The following MAP2K4 variants were observed in gnomAD, a reference collection of about 807,000 sequenced individuals.
The protein encoded by MAP2K4 is dual specificity mitogen-activated protein kinase kinase 4.
MAP2K4 carries 4 observed loss-of-function variants against 48.5 expected under a neutral mutation model. The observed-to-expected ratio is 0.08, with a 90% CI of 0.04 to 0.19. The LOEUF is 0.19. Ranked by LOEUF, MAP2K4 falls within the 10% of genes least tolerant of loss-of-function variation. The pLI, the probability that MAP2K4 is intolerant of heterozygous loss-of-function variation, is 1.00. For missense variants in MAP2K4, 258 were observed against 493.3 expected (o/e 0.52, Z 4.52); for synonymous variants, 166 against 173.1 (o/e 0.96, Z 0.32).
At chr17:12,084,244 A>G (rs1182448740) in intron 3 of MAP2K4, among the ~76,000 whole-genome samples, 1 of 152,212 alleles carries the variant, frequency 6.6e-6, no homozygotes, top group Non-Finnish European at 1.5e-5. Context: ...AGATTTAGTG[A>G]GGTAACATTG....
chr17:12,073,006 G>A (rs918206081), intron 2 of MAP2K4, among the ~76,000 whole-genome samples: 14 of 152,132 alleles, frequency 9.2e-5, no homozygotes, highest in African/African-American at 3.4e-4. Flanking sequence ...GCAATCTGAG[G>A]TTTGTAGTAC....
chr17:12,060,611 G>C (rs1970417878), intron 2 of MAP2K4, among the ~76,000 whole-genome samples: 2 of 152,180 alleles, frequency 1.3e-5, no homozygotes. Context: ...TCATGATACT[G>C]TGAAATCTCT....
chr17:12,038,037 A>G (rs1969654402), intron 1 of MAP2K4, among the ~76,000 whole-genome samples: 1 of 152,158 alleles, frequency 6.6e-6, no homozygotes, highest in South Asian at 2.1e-4. Flanking sequence ...TGATAAGAAA[A>G]TAATTAGTGA....
intron 1 of MAP2K4, among the ~76,000 whole-genome samples, chr17:12,037,227 T>C (rs867399222): frequency 6.6e-6 from 1 of 152,136 alleles, no homozygotes; most frequent in African/African-American, 2.4e-5. Flanking sequence ...ATTTTATAAG[T>C]ATCCCTAATT....
At chr17:12,102,038 T>G (rs140066479) in intron 4 of MAP2K4, among the ~76,000 whole-genome samples, 148 of 152,274 alleles carry the variant, frequency 9.7e-4, no homozygotes, top group Non-Finnish European at 1.9e-3. Context: ...TTCAGTATGC[T>G]GTTGAGTAGA....
Position 12,142,752 on chromosome 17 carries a change from T to G in MAP2K4, c.*1492T>G, listed in dbSNP as rs1425743763. The G allele has an allele frequency of 8.6e-6, 2 of 232,924 alleles. No individual in the cohort carries two copies. The highest frequency in any genetic ancestry group is 2.2e-5 in the African/African-American group (1 of 45,338). The allele number at this position is 232,924 out of a possible 1,614,324, so 14.4% of individuals were successfully genotyped here. On this transcript the variant is annotated 3_prime_UTR_variant, in exon 11 of 11. Coordinates refer to ENST00000353533, the MANE Select transcript of MAP2K4 (RefSeq NM_003010.4). Reference sequence around the variant, plus strand: ...AGAGGCCATTTAAGTATCTTGTGCTTCTTCACTTACCCATTAGCCAGGTTC... The same window carrying G: ...AGAGGCCATTTAAGTATCTTGTGCTGCTTCACTTACCCATTAGCCAGGTTC...
intron 2 of MAP2K4, among the ~76,000 whole-genome samples, chr17:12,076,595 A>C (rs1420371713): frequency 6.6e-5 from 10 of 152,202 alleles, no homozygotes; most frequent in Admixed American, 6.5e-4. Flanking sequence ...ACTTTTAATA[A>C]GGCCTGTATT....
chr17:12,075,094 A>G (rs572554674), intron 2 of MAP2K4, among the ~76,000 whole-genome samples: 1 of 152,354 alleles, frequency 6.6e-6, no homozygotes, highest in East Asian at 1.9e-4. Flanking sequence ...TTTGAGAAAG[A>G]GCATCTCCAA....
chr17:12,076,721 T>TC (rs71142265), intron 2 of MAP2K4, among the ~76,000 whole-genome samples: 68,741 of 151,964 alleles, frequency 0.45, 16,604 homozygotes, highest in East Asian at 0.56. Flanking sequence ...TGGCAGTTTT[T>TC]CTGGGTGTAT....
At chr17:12,119,396 A>G (rs543751782) in intron 7 of MAP2K4, among the ~76,000 whole-genome samples, 4 of 152,360 alleles carry the variant, frequency 2.6e-5, no homozygotes, top group South Asian at 2.1e-4. Context: ...GAAAAACACA[A>G]TGTCACTGAT....
At chr17:12,117,959 C>T (rs914978451) in intron 7 of MAP2K4, among the ~76,000 whole-genome samples, 7 of 152,172 alleles carry the variant, frequency 4.6e-5, no homozygotes, top group Admixed American at 3.3e-4. Flanking sequence ...AAGAGTGGAT[C>T]TGTCAGACTC....
chr17:12,140,532 G>A lies in MAP2K4; in HGVS notation c.1087-615G>A, dbSNP rs28921107. Reference sequence around the variant, plus strand: ...GTAAAAGAAAACTGTTGCTAGAGATGGAGTTTTAAAAGGTGGGTTAGTGAA... The same window carrying A: ...GTAAAAGAAAACTGTTGCTAGAGATAGAGTTTTAAAAGGTGGGTTAGTGAA... On this transcript the variant is annotated intron_variant, in intron 10 of 10. Coordinates refer to ENST00000353533, the MANE Select transcript of MAP2K4 (RefSeq NM_003010.4). Among the ~76,000 whole-genome samples, 944 of 152,258 alleles carry A rather than the reference G, an allele frequency of 6.2e-3. 2 individuals carry two copies. Among genetic ancestry groups the A allele is most frequent in the East Asian group, 0.036 (187 of 5,184 alleles).
At chr17:12,085,380 G>T (rs1160184004) in intron 3 of MAP2K4, among the ~76,000 whole-genome samples, 1 of 151,754 alleles carries the variant, frequency 6.6e-6, no homozygotes, top group African/African-American at 2.4e-5. Flanking sequence ...TGTCATTGTG[G>T]ATCATTATGA....
chr17:12,131,547 C>T (rs1157977482), intron 9 of MAP2K4, among the ~76,000 whole-genome samples: 1 of 152,006 alleles, frequency 6.6e-6, no homozygotes, highest in Non-Finnish European at 1.5e-5. Context: ...CCCCGGCCCG[C>T]TCTAGCCACA....
At chr17:12,034,362 T>G (rs1597396890) in intron 1 of MAP2K4, among the ~76,000 whole-genome samples, 1 of 152,332 alleles carries the variant, frequency 6.6e-6, no homozygotes, top group Middle Eastern at 3.4e-3. Context: ...TGTTAGAACT[T>G]AATTATGTGG....
intron 1 of MAP2K4, among the ~76,000 whole-genome samples, chr17:12,035,605 G>C (rs567328396): frequency 3.9e-5 from 6 of 152,234 alleles, no homozygotes; most frequent in Non-Finnish European, 7.4e-5. Flanking sequence ...CTCCACTGTT[G>C]GGGCACACTT....
At chr17:12,095,394 T>C in intron 3 of MAP2K4, 181 bp from the exon 4 acceptor site, 1 of 684,392 alleles carries the variant, frequency 1.5e-6, no homozygotes. Flanking sequence ...TGTTAAACTT[T>C]CTGTGATTAA....
At chr17:12,128,338 A>G (rs962113065) in intron 8 of MAP2K4, among the ~76,000 whole-genome samples, 7 of 152,318 alleles carry the variant, frequency 4.6e-5, no homozygotes, top group African/African-American at 1.4e-4. Flanking sequence ...CGGCATCCCA[A>G]AGTGGTGGGA....
At position 12,142,193 on chromosome 17, in the gene MAP2K4, C is replaced by T. The variant is rs777910390; in HGVS notation, c.*933C>T. The T allele has an allele frequency of 3.9e-5, 9 of 233,414 alleles. No individual in the cohort carries two copies. Among genetic ancestry groups the T allele is most frequent in the Non-Finnish European group, 7.6e-5 (9 of 117,952 alleles). 14.5% of individuals were successfully genotyped at this position (233,414 alleles called of 1,614,324 possible). ...ACAACTTGTAGCAGCTATATATTTC[C>T]CCTTGGTCCCAAGCCTGATACTTTA... On this transcript the variant is annotated 3_prime_UTR_variant, in exon 11 of 11. Coordinates refer to ENST00000353533, the MANE Select transcript of MAP2K4 (RefSeq NM_003010.4).
Sources: gnomAD v4.1 joint callset for allele counts (sites outside exome capture counted in the v4.1 genomes callset) on GRCh38, gnomAD v4.1.1 for gene constraint, MANE v1.5 for transcripts, NCBI Gene and HGNC (gene_info 2026-07-23, HGNC 2026-07-21) for gene names.